THSD4: variants seen among roughly 807,000 people sequenced by gnomAD.
The protein encoded by THSD4 is thrombospondin type 1 domain containing 4, also known as thrombospondin type-1 domain-containing protein 4.
THSD4 carries 69 observed loss-of-function variants against 119.0 expected under a neutral mutation model. The ratio of observed to expected loss-of-function variants is 0.58; its 90% CI spans 0.48 to 0.71. The LOEUF is 0.71. Ranked by LOEUF, THSD4 falls within the 30% of genes least tolerant of loss-of-function variation. The pLI is 0.00. For synonymous variants in THSD4, 524 were observed against 540.4 expected, an observed-to-expected ratio of 0.97 and a Z score of 0.42; for missense variants, 1,393 against 1,391.1, an observed-to-expected ratio of 1.00 and a Z score of -0.02.
intron 17 of THSD4, among the ~76,000 whole-genome samples, chr15:71,776,386 T>C (rs975635396): frequency 1.3e-5 from 2 of 152,152 alleles, no homozygotes; most frequent in African/African-American, 4.8e-5. Flanking sequence ...TTTTTTAAAG[T>C]TAACTAAATC....
At chr15:71,562,567 T>A (rs2049142683) in intron 7 of THSD4, among the ~76,000 whole-genome samples, 2 of 151,698 alleles carry the variant, frequency 1.3e-5, no homozygotes, top group South Asian at 4.2e-4. Flanking sequence ...CTCCTGGAAG[T>A]GTAGCAGAAA....
intron 8 of THSD4, among the ~76,000 whole-genome samples, chr15:71,701,199 A>C (rs767229244): frequency 2.6e-5 from 4 of 152,216 alleles, no homozygotes; most frequent in African/African-American, 4.8e-5. Context: ...AATGTAAAAA[A>C]GGCAAAGGAT....
chr15:71,755,566 T>G (rs1183596302), intron 14 of THSD4, among the ~76,000 whole-genome samples: 1 of 151,864 alleles, frequency 6.6e-6, no homozygotes, highest in Non-Finnish European at 1.5e-5. Flanking sequence ...TGCTAATAGA[T>G]AAGAGAAATG....
intron 7 of THSD4, among the ~76,000 whole-genome samples, chr15:71,529,643 A>T (rs574347802): frequency 6.6e-6 from 1 of 152,330 alleles, no homozygotes; most frequent in South Asian, 2.1e-4. Context: ...CAGAAGAAAT[A>T]AAAGTAATTT....
At position 71,731,223 on chromosome 15, in the gene THSD4, A is replaced by G. The variant is rs767814060; in HGVS notation, c.1630+6A>G. The G allele has an allele frequency of 3.1e-6, 5 of 1,613,542 alleles. No individual in the cohort carries two copies. The highest frequency in any genetic ancestry group is 3.4e-6 in the Non-Finnish European group (4 of 1,179,582). On this transcript the variant is annotated splice_donor_region_variant and intron_variant, in intron 10 of 17. Coordinates refer to ENST00000261862, the MANE Select transcript of THSD4 (RefSeq NM_024817.3). ...GCCACCCCACAGGAGACCAGGTAGAATCCCTTGTCTTGTGGCCGGGGACTC... is the reference window on the plus strand; with the variant it reads ...GCCACCCCACAGGAGACCAGGTAGAGTCCCTTGTCTTGTGGCCGGGGACTC...
intron 1 of THSD4, among the ~76,000 whole-genome samples, chr15:71,122,286 A>G (rs1165448958): frequency 6.6e-6 from 1 of 152,128 alleles, no homozygotes; most frequent in Non-Finnish European, 1.5e-5. Flanking sequence ...TGAACTAGAC[A>G]CTATTATTTC....
chr15:71,550,871 G>T (rs1463822596), intron 7 of THSD4, among the ~76,000 whole-genome samples: 3 of 152,160 alleles, frequency 2.0e-5, no homozygotes, highest in Non-Finnish European at 4.4e-5. Flanking sequence ...GCACAATTTT[G>T]TGACTATCCT....
chr15:71,481,222 G>T (rs913258032), intron 7 of THSD4, among the ~76,000 whole-genome samples: 5 of 152,140 alleles, frequency 3.3e-5, no homozygotes, highest in African/African-American at 1.2e-4. Flanking sequence ...GCCTCGATTA[G>T]TTCTCAAAGA....
intron 3 of THSD4, among the ~76,000 whole-genome samples, chr15:71,209,853 T>C (rs746118497): frequency 6.6e-6 from 1 of 152,160 alleles, no homozygotes; most frequent in Non-Finnish European, 1.5e-5. Context: ...TGAGTAAATT[T>C]CACGAGAGCT....
chr15:71,556,541 G>T (rs1365572286), intron 7 of THSD4, among the ~76,000 whole-genome samples: 1 of 151,992 alleles, frequency 6.6e-6, no homozygotes, highest in Non-Finnish European at 1.5e-5. Flanking sequence ...CGTGAGCCCA[G>T]GAGTTCGAGA....
intron 7 of THSD4, among the ~76,000 whole-genome samples, chr15:71,642,392 C>T (rs1156290632): frequency 6.6e-6 from 1 of 152,058 alleles, no homozygotes; most frequent in South Asian, 2.1e-4. Context: ...GTCAGTGTGG[C>T]GATTCCTCAG....
At chr15:71,403,991 T>C (rs1487262631) in intron 6 of THSD4, among the ~76,000 whole-genome samples, 1 of 152,158 alleles carries the variant, frequency 6.6e-6, no homozygotes, top group African/African-American at 2.4e-5. Flanking sequence ...TCCTGGGCAC[T>C]TGATAGACTC....
intron 6 of THSD4, among the ~76,000 whole-genome samples, chr15:71,395,826 C>A (rs964015909): frequency 5.3e-5 from 8 of 151,790 alleles, no homozygotes; most frequent in Non-Finnish European, 1.5e-5. Context: ...CCAGAACATT[C>A]TTTTGCTGAA....
intron 6 of THSD4, among the ~76,000 whole-genome samples, chr15:71,257,512 G>A (rs549427549): frequency 1.6e-4 from 24 of 152,236 alleles, no homozygotes; most frequent in African/African-American, 5.5e-4. Flanking sequence ...GCTTCAGCCC[G>A]AGGCAGTGGC....
intron 6 of THSD4, among the ~76,000 whole-genome samples, chr15:71,325,064 TAGA>T (rs1421252160): frequency 1.1e-4 from 16 of 152,326 alleles, no homozygotes; most frequent in Non-Finnish European, 1.8e-4. Context: ...ATTAGTGATG[TAGA>T]GCATTTTTTC....
At chr15:71,667,638 G>C (rs1252014686) in intron 8 of THSD4, among the ~76,000 whole-genome samples, 1 of 152,164 alleles carries the variant, frequency 6.6e-6, no homozygotes, top group Non-Finnish European at 1.5e-5. Context: ...TCTATAATTT[G>C]CAAGCTTTAA....
intron 6 of THSD4, among the ~76,000 whole-genome samples, chr15:71,275,965 G>A (rs529116469): frequency 7.7e-4 from 118 of 152,300 alleles, no homozygotes; most frequent in African/African-American, 2.7e-3. Flanking sequence ...TCTAGCGTAA[G>A]TTTCTATCAG....
At chr15:71,695,982 G>A (rs1046655880) in intron 8 of THSD4, among the ~76,000 whole-genome samples, 4 of 152,226 alleles carry the variant, frequency 2.6e-5, no homozygotes, top group Non-Finnish European at 5.9e-5. Flanking sequence ...ATAACTAAAT[G>A]AGTTAATACA....
intron 7 of THSD4, among the ~76,000 whole-genome samples, chr15:71,618,786 C>T (rs987127589): frequency 1.3e-5 from 2 of 152,148 alleles, no homozygotes; most frequent in Non-Finnish European, 2.9e-5. Flanking sequence ...CCATGTTGCC[C>T]AGGCTGGTCT....
Sources: allele counts gnomAD v4.1 joint callset (sites outside exome capture counted in the v4.1 genomes callset), GRCh38; gene constraint gnomAD v4.1.1; transcripts MANE v1.5; gene names NCBI Gene and HGNC (gene_info 2026-07-23, HGNC 2026-07-21).